PRKG1: variants seen among roughly 807,000 people sequenced by gnomAD.
The protein encoded by PRKG1 is protein kinase cGMP-dependent 1.
Under a neutral mutation model 88.1 loss-of-function variants are expected in PRKG1, and 35 were observed. The ratio of observed to expected loss-of-function variants is 0.40; its 90% confidence interval spans 0.30 to 0.53. PRKG1 has a LOEUF of 0.53. Among genes scored for constraint, PRKG1 ranks in the 20% least tolerant of loss-of-function variants. The pLI is 0.59. For synonymous variants in PRKG1, 303 were observed against 292.5 expected (o/e 1.04, Z -0.37); for missense variants, 540 against 839.8 (o/e 0.64, Z 4.41).
intron 2 of PRKG1, among the ~76,000 whole-genome samples, chr10:51,331,440 G>T (rs1841738567): frequency 6.6e-6 from 1 of 152,090 alleles, no homozygotes; most frequent in South Asian, 2.1e-4. Context: ...AGGTCTGGGG[G>T]TTTCTGTCCA....
At chr10:51,884,031 A>C (rs2132886477) in intron 4 of PRKG1, among the ~76,000 whole-genome samples, 2 of 151,298 alleles carry the variant, frequency 1.3e-5, no homozygotes, top group South Asian at 4.1e-4. Flanking sequence ...TTTTCAAAAA[A>C]AAAAAAAAAA....
chr10:51,975,391 G>A (rs1473845830), intron 5 of PRKG1, among the ~76,000 whole-genome samples: 1 of 151,948 alleles, frequency 6.6e-6, no homozygotes, highest in African/African-American at 2.4e-5. Context: ...GACTCAAGCG[G>A]GGGAAATAGG....
intron 3 of PRKG1, chr10:51,698,972 C>T: frequency 1.9e-6 from 3 of 1,614,228 alleles, no homozygotes; most frequent in Middle Eastern, 1.6e-4. Context: ...ATGTATCTTC[C>T]GATGCAGAAT....
chr10:52,233,288 A>G (rs1027515177), intron 9 of PRKG1, among the ~76,000 whole-genome samples: 3 of 152,138 alleles, frequency 2.0e-5, no homozygotes, highest in African/African-American at 7.2e-5. Context: ...TCAAATATGA[A>G]AAAAAATCTC....
chr10:51,391,212 G>A (rs774508562), intron 2 of PRKG1, among the ~76,000 whole-genome samples: 2 of 152,286 alleles, frequency 1.3e-5, no homozygotes, highest in Non-Finnish European at 2.9e-5. Flanking sequence ...TGCCTTCTTA[G>A]TTAATTACTA....
intron 4 of PRKG1, among the ~76,000 whole-genome samples, chr10:51,889,987 A>G (rs946510363): frequency 1.3e-5 from 2 of 151,828 alleles, no homozygotes; most frequent in African/African-American, 4.8e-5. Flanking sequence ...GATTGCAAAA[A>G]TTTTCTCCCA....
chr10:51,607,644 A>G (rs1838801248), intron 3 of PRKG1, among the ~76,000 whole-genome samples: 2 of 152,226 alleles, frequency 1.3e-5, no homozygotes, highest in Admixed American at 1.3e-4. Flanking sequence ...AGTGGCCCGA[A>G]GCCAGTTGGA....
chr10:51,681,558 T>A (rs1259622060), intron 3 of PRKG1, among the ~76,000 whole-genome samples: 3 of 152,192 alleles, frequency 2.0e-5, no homozygotes, highest in Non-Finnish European at 4.4e-5. Flanking sequence ...TTCTCTCTTA[T>A]ATCTCTAACA....
At chr10:51,532,154 G>A (rs1181531462) in intron 3 of PRKG1, among the ~76,000 whole-genome samples, 2 of 152,118 alleles carry the variant, frequency 1.3e-5, no homozygotes, top group Admixed American at 1.3e-4. Context: ...CAGGAGCTTG[G>A]AGAGCTTTTT....
At chr10:52,288,583 A>G in intron 14 of PRKG1, 143 bp from the exon 15 acceptor site, 10 of 946,946 alleles carry the variant, frequency 1.1e-5, no homozygotes, top group Non-Finnish European at 1.5e-5. Context: ...CTGTTTTGCT[A>G]TTAATCTATT....
At chr10:51,541,237 G>C (rs150122987) in intron 3 of PRKG1, among the ~76,000 whole-genome samples, 2 of 152,218 alleles carry the variant, frequency 1.3e-5, no homozygotes, top group East Asian at 3.9e-4. Flanking sequence ...TTCACAACAG[G>C]GTTCGCGCTC....
In PRKG1 at chr10:51,604,810, C is replaced by T. The variant is rs1490058847; in HGVS notation, c.592+136974C>T. ...ATGGCAGTGTCCAGGACTCCCAAAG[C>T]CCAAGTGGGCGTGTGTTACAGTGCG... On this transcript the variant is annotated intron_variant, in intron 3 of 17. Transcript: ENST00000373980. Among the ~76,000 whole-genome samples, 4 of 152,192 alleles carry T rather than the reference C, an allele frequency of 2.6e-5. No homozygotes were observed. The East Asian group carries it at 5.8e-4, about 22-fold the overall frequency.
chr10:51,856,291 C>T (rs995584272), intron 4 of PRKG1, among the ~76,000 whole-genome samples: 1 of 152,174 alleles, frequency 6.6e-6, no homozygotes, highest in Non-Finnish European at 1.5e-5. Context: ...ATGACATGGA[C>T]ATCTTTGGGA....
At chr10:51,768,964 A>G (rs1838238124) in intron 3 of PRKG1, among the ~76,000 whole-genome samples, 1 of 152,216 alleles carries the variant, frequency 6.6e-6, no homozygotes. Flanking sequence ...GATGAACGTA[A>G]GTGAAGATAT....
chr10:51,481,205 CTCCT>C (rs1158346847), intron 3 of PRKG1, among the ~76,000 whole-genome samples: 13 of 149,842 alleles, frequency 8.7e-5, no homozygotes, highest in African/African-American at 3.2e-4. Context: ...CTCTCCCTCC[CTCCT>C]TTCGTTCCTT....
chr10:51,121,215 C>T (rs1329706235), intron 1 of PRKG1, among the ~76,000 whole-genome samples: 4 of 152,178 alleles, frequency 2.6e-5, no homozygotes, highest in African/African-American at 9.7e-5. Context: ...TTCATTACAT[C>T]TGTAGGCCCC....
chr10:51,217,583 TTTA>T (rs1372447462), intron 2 of PRKG1, among the ~76,000 whole-genome samples: 1 of 152,126 alleles, frequency 6.6e-6, no homozygotes, highest in African/African-American at 2.4e-5. Flanking sequence ...TCTATTTACA[TTTA>T]CACAAATAAA....
chr10:51,763,993 C>A (rs554145383), intron 3 of PRKG1, among the ~76,000 whole-genome samples: 1 of 152,180 alleles, frequency 6.6e-6, no homozygotes, highest in Non-Finnish European at 1.5e-5. Flanking sequence ...TTAATCCATT[C>A]ATGAAGTCAG....
intron 2 of PRKG1, among the ~76,000 whole-genome samples, chr10:51,452,881 T>G (rs944029588): frequency 6.6e-6 from 1 of 152,078 alleles, no homozygotes; most frequent in Admixed American, 6.6e-5. Context: ...AATTCATCTT[T>G]GAATGTCTGA....
Sources: allele counts gnomAD v4.1 joint callset (sites outside exome capture counted in the v4.1 genomes callset), GRCh38; gene constraint gnomAD v4.1.1; transcripts MANE v1.5; gene names NCBI Gene and HGNC (gene_info 2026-07-23, HGNC 2026-07-21).